GDPD5: variants seen among roughly 807,000 people sequenced by gnomAD.
GDPD5 encodes glycerophosphodiester phosphodiesterase domain containing 5, also known as glycerophosphodiester phosphodiesterase 2.
GDPD5 carries 48 observed loss-of-function variants against 75.1 expected under a neutral mutation model. That is an observed-to-expected ratio of 0.64 (90% CI 0.51 to 0.81). GDPD5 has a LOEUF of 0.81. Ranked by LOEUF, GDPD5 falls within the 40% of genes least tolerant of loss-of-function variation. GDPD5 has a pLI of 0.00. For missense variants in GDPD5, 706 were observed against 822.6 expected (o/e 0.86, Z 1.73); for synonymous variants, 336 against 339.0 (o/e 0.99, Z 0.10).
intron 4 of GDPD5, 142 bp from the exon 5 acceptor site, chr11:75,457,928 T>C (rs1949325450): frequency 1.6e-6 from 1 of 619,422 alleles, no homozygotes; most frequent in Non-Finnish European, 2.8e-6. Context: ...AGGCTCAGCG[T>C]CTGCCTGATG....
rs559676379 is a variant in GDPD5 at position 75,446,496 on chromosome 11, G to A, written c.715-2001C>T. Among the ~76,000 whole-genome samples, 3 of 152,296 alleles carry A rather than the reference G, an allele frequency of 2.0e-5. No homozygotes were observed. In the South Asian group the frequency reaches 6.2e-4, roughly 32 times the overall value. On this transcript the variant is annotated intron_variant, in intron 9 of 16. Coordinates refer to ENST00000336898, the MANE Select transcript of GDPD5 (RefSeq NM_030792.8). ...GTTACTCAGGTGGGTGGGACACTAT[G>A]GTTAAGAGACCCAGATTTATAAAAC...
chr11:75,471,026 G>A lies in GDPD5; in HGVS notation c.117+6593C>T, dbSNP rs540004702. ...GAGCCCAGCTGCACCCTCAGCACAC[G>A]GTCCTACAGAGACCAAGAGGGAGAG... On this transcript the variant is annotated intron_variant, in intron 3 of 16. Coordinates refer to ENST00000336898, the MANE Select transcript of GDPD5 (RefSeq NM_030792.8). Among the ~76,000 whole-genome samples the A allele has an allele frequency of 2.6e-5, 4 of 152,320 alleles. 1 individual carries two copies. In the South Asian group the frequency reaches 6.2e-4, roughly 24 times the overall value.
chr11:75,444,710 G>C (rs1019962296), intron 9 of GDPD5, among the ~76,000 whole-genome samples: 1 of 152,264 alleles, frequency 6.6e-6, no homozygotes, highest in East Asian at 1.9e-4. Context: ...GGTTTTACTG[G>C]GGGCGGGGGA....
intron 1 of GDPD5, among the ~76,000 whole-genome samples, chr11:75,495,708 G>A (rs1348625748): frequency 6.6e-6 from 1 of 152,220 alleles, no homozygotes; most frequent in Non-Finnish European, 1.5e-5. Flanking sequence ...TTATTTAACA[G>A]TCTCCTGGCT....
intron 1 of GDPD5, among the ~76,000 whole-genome samples, chr11:75,510,914 AC>A (rs1378244497): frequency 6.6e-6 from 1 of 152,192 alleles, no homozygotes; most frequent in African/African-American, 2.4e-5. Context: ...TAAATGTGTC[AC>A]CCACCCAAAG....
intron 3 of GDPD5, among the ~76,000 whole-genome samples, chr11:75,464,627 G>A (rs1423360098): frequency 3.9e-5 from 6 of 152,154 alleles, no homozygotes; most frequent in East Asian, 3.9e-4. Context: ...GCCTCACTTC[G>A]TACATAAACA....
At chr11:75,514,255 C>T (rs1339102112) in intron 1 of GDPD5, among the ~76,000 whole-genome samples, 1 of 152,238 alleles carries the variant, frequency 6.6e-6, no homozygotes, top group Non-Finnish European at 1.5e-5. Context: ...ACCAGCAGGA[C>T]CCTATCTGCT....
chr11:75,458,328 T>C (rs906588578), intron 4 of GDPD5, among the ~76,000 whole-genome samples: 2 of 152,234 alleles, frequency 1.3e-5, no homozygotes, highest in Non-Finnish European at 2.9e-5. Flanking sequence ...TCGAATGTAA[T>C]ACTTGACTTC....
chr11:75,441,274 G>C lies in GDPD5; in HGVS notation c.1362C>G (p.Tyr454Ter). The change falls in exon 14 of 17, where the codon TAC (tyrosine) becomes TAG (stop). Residue 454 changes from tyrosine to a stop codon, truncating the protein, a stop_gained. Transcript: ENST00000336898. LOFTEE classifies it high-confidence loss of function. ...AGAAGAGCCACGGTGCGTTGACTGT[G>C]TAGAGGTTCACACTCAGGTTCCAGG... ...YASWNLSVNLYTVNAPWLFSL... is the reference protein window; with the variant it reads ...YASWNLSVNL The C allele has an allele frequency of 6.2e-7, 1 of 1,614,164 alleles. No individual in the cohort carries two copies. Among genetic ancestry groups the C allele is most frequent in the South Asian group, 1.1e-5 (1 of 91,086 alleles).
chr11:75,444,333 G>A, intron 10 of GDPD5, 80 bp downstream of exon 10: 2 of 1,022,998 alleles, frequency 2.0e-6, no homozygotes, highest in South Asian at 1.3e-5. Flanking sequence ...TGAGACCAGA[G>A]GTTCCCCCAG....
At chr11:75,440,242 G>C (rs1565179323) in intron 14 of GDPD5, among the ~76,000 whole-genome samples, 1 of 152,162 alleles carries the variant, frequency 6.6e-6, no homozygotes, top group Admixed American at 6.5e-5. Flanking sequence ...GGCCTGCAGG[G>C]TCTGTGTGTC....
chr11:75,515,476 T>C (rs1950618585), intron 1 of GDPD5, among the ~76,000 whole-genome samples: 1 of 152,230 alleles, frequency 6.6e-6, no homozygotes. Context: ...CTGCACGGCC[T>C]GTCCCAGGCC....
At chr11:75,521,091 G>A (rs2135516504) in intron 1 of GDPD5, among the ~76,000 whole-genome samples, 1 of 152,320 alleles carries the variant, frequency 6.6e-6, no homozygotes, top group South Asian at 2.1e-4. Context: ...GATGTAGAAA[G>A]CTGGAGCTAC....
At chr11:75,448,558 GTC>G (rs1252206880) in intron 9 of GDPD5, 16 of 991,376 alleles carry the variant, frequency 1.6e-5, no homozygotes, top group Non-Finnish European at 1.8e-5. Context: ...TGATCCCTTC[GTC>G]TTTCTCCAAC....
At chr11:75,512,668 C>T (rs1950549822) in intron 1 of GDPD5, among the ~76,000 whole-genome samples, 1 of 152,194 alleles carries the variant, frequency 6.6e-6, no homozygotes, top group South Asian at 2.1e-4. Flanking sequence ...GTAATCCCAG[C>T]ACTTTGGGAG....
In GDPD5 at chr11:75,474,300, T is replaced by C. The variant is rs552038864; in HGVS notation, c.117+3319A>G. 5.3e-5 allele frequency among the ~76,000 whole-genome samples: 8 copies of C among 152,340 alleles called. No individual in the cohort carries two copies. In the South Asian group the frequency reaches 1.7e-3, roughly 32 times the overall value. On this transcript the variant is annotated intron_variant, in intron 3 of 16. Coordinates refer to ENST00000336898, the MANE Select transcript of GDPD5 (RefSeq NM_030792.8). ...GGCATCTGACCTATATCCCTCTCTATAGAGAAGCTGGTTTTGACACTGCCT... is the reference window on the plus strand; with the variant it reads ...GGCATCTGACCTATATCCCTCTCTACAGAGAAGCTGGTTTTGACACTGCCT...
chr11:75,501,539 C>T (rs931331921), intron 1 of GDPD5, among the ~76,000 whole-genome samples: 2 of 152,234 alleles, frequency 1.3e-5, no homozygotes, highest in Non-Finnish European at 2.9e-5. Context: ...GAGTCACCTG[C>T]TCCAGGGGTG....
At chr11:75,514,969 A>C (rs1318695168) in intron 1 of GDPD5, among the ~76,000 whole-genome samples, 1 of 152,222 alleles carries the variant, frequency 6.6e-6, no homozygotes, top group East Asian at 1.9e-4. Context: ...TGAGGCTCAG[A>C]GAGGCTAAGT....
In GDPD5 at chr11:75,439,938, CAT is replaced by C. The variant is rs781046303; in HGVS notation, c.1495_1496del (p.Met499ValfsTer32). 4 of 1,613,998 alleles carry C rather than the reference CAT, an allele frequency of 2.5e-6. No individual in the cohort carries two copies. The highest frequency in any genetic ancestry group is 2.5e-6 in the Non-Finnish European group (3 of 1,179,922). ...AGGAGACCAGGTCGGCAGTGACCCA[CAT>C]GAGACAGTACTCGTCCGGGGGCTGT... is the stretch of plus-strand genomic sequence containing the variant. ...WIMPPDEYCL[M>X]WVTADLVSFT... On this transcript the variant is annotated frameshift_variant, in exon 15 of 17. Transcript: ENST00000336898. LOFTEE classifies it high-confidence loss of function.
Sources: gnomAD v4.1 joint callset for allele counts (sites outside exome capture counted in the v4.1 genomes callset) on GRCh38, gnomAD v4.1.1 for gene constraint, MANE v1.5 for transcripts, NCBI Gene and HGNC (gene_info 2026-07-23, HGNC 2026-07-21) for gene names.